STK33: variants seen among roughly 807,000 people sequenced by gnomAD.
STK33 encodes the protein serine/threonine-protein kinase 33.
STK33 carries 52 observed loss-of-function variants against 58.0 expected under a neutral mutation model. The observed-to-expected ratio is 0.90, with a 90% CI of 0.72 to 1.13. The LOEUF is 1.13. Ranked by LOEUF, STK33 falls within the 50% of genes most tolerant of loss-of-function variation. STK33 has a pLI of 0.00. For missense variants in STK33, 630 were observed against 604.2 expected (o/e 1.04, Z -0.45); for synonymous variants, 215 against 200.1 (o/e 1.07, Z -0.63).
intron 1 of STK33, among the ~76,000 whole-genome samples, chr11:8,536,183 T>C (rs1489101162): frequency 6.6e-6 from 1 of 152,112 alleles, no homozygotes; most frequent in African/African-American, 2.4e-5. Flanking sequence ...AATTCAATGT[T>C]TGATAGCAGA....
chr11:8,396,378 A>G (rs1418430459), intron 15 of STK33, among the ~76,000 whole-genome samples: 2 of 152,188 alleles, frequency 1.3e-5, no homozygotes, highest in Non-Finnish European at 2.9e-5. Context: ...AAAATACTGT[A>G]TGTGTATGGG....
chr11:8,553,176 A>ATATATATATATATATATATATGGTG (rs1377163192), intron 1 of STK33, among the ~76,000 whole-genome samples: 6 of 74,654 alleles, frequency 8.0e-5, no homozygotes, highest in South Asian at 4.4e-4. Context: ...AAATATATAT[A>ATATATATATATATATATATATGGTG]TATATATATA....
the STK33 span, among the ~76,000 whole-genome samples, chr11:8,350,411 C>T: frequency 5.3e-5 from 8 of 152,226 alleles, no homozygotes; most frequent in African/African-American, 1.9e-4. Flanking sequence ...AGGCTAGGAA[C>T]AGGCTGAGCT....
chr11:8,340,041 T>C, the STK33 span, among the ~76,000 whole-genome samples: 1 of 152,262 alleles, frequency 6.6e-6, no homozygotes, highest in African/African-American at 2.4e-5. Context: ...GCTGAGGGCC[T>C]TGGGGAACCT....
At chr11:8,446,038 T>C (rs769448150) in intron 11 of STK33, among the ~76,000 whole-genome samples, 6 of 152,176 alleles carry the variant, frequency 3.9e-5, no homozygotes, top group Non-Finnish European at 5.9e-5. Context: ...GGATATTAAT[T>C]ACTGCCTCAA....
the STK33 span, among the ~76,000 whole-genome samples, chr11:8,377,719 G>C: frequency 6.6e-6 from 1 of 152,072 alleles, no homozygotes; most frequent in Non-Finnish European, 1.5e-5. Context: ...AAACCCTGAA[G>C]ACTCCTCCAA....
chr11:8,506,074 G>A (rs747334576), intron 1 of STK33, among the ~76,000 whole-genome samples: 1 of 152,150 alleles, frequency 6.6e-6, no homozygotes. Context: ...TCCAGAGAAG[G>A]GGAGCTTACA....
intron 7 of STK33, among the ~76,000 whole-genome samples, chr11:8,462,442 T>TAC (rs10635095): frequency 0.31 from 39,253 of 127,984 alleles, 6,050 homozygotes; most frequent in Non-Finnish European, 0.37. Flanking sequence ...TATACATATA[T>TAC]ACACACACAC....
chr11:8,395,127 T>C (rs570583546), intron 15 of STK33, among the ~76,000 whole-genome samples: 2 of 152,314 alleles, frequency 1.3e-5, no homozygotes, highest in African/African-American at 4.8e-5. Context: ...ATAATGGCAA[T>C]TTCCTATGGT....
Position 8,392,558 on chromosome 11 carries a change from C to G in STK33, c.1497G>C (p.Lys499Asn). The change falls in exon 16 of 16, where the codon AAG (lysine) becomes AAC (asparagine). Residue 499 changes from lysine to asparagine, a missense_variant. Physicochemically the swap from Lys to Asn is moderately conservative, Grantham distance 94 (BLOSUM62 0). Transcript: ENST00000687296. Reference protein sequence around the residue: ...PVTPSQGTATKYPAKSGALSR... With the variant: ...PVTPSQGTATNYPAKSGALSR... The stretch of plus-strand genomic sequence containing the variant: ...ACAGGGCGCCGGATTTAGCAGGGTA[C>G]TTGGTTGCTGTTCCTTGGCTTGGAG... 1 of 1,614,130 alleles carries G rather than the reference C, an allele frequency of 6.2e-7. No homozygotes were observed. Among genetic ancestry groups the G allele is most frequent in the East Asian group, 2.2e-5 (1 of 44,888 alleles).
At chr11:8,501,121 C>T (rs192632571) in intron 1 of STK33, among the ~76,000 whole-genome samples, 1 of 152,092 alleles carries the variant, frequency 6.6e-6, no homozygotes, top group East Asian at 1.9e-4. Flanking sequence ...TAAATCTTTG[C>T]GATGTTAGAT....
the STK33 span, among the ~76,000 whole-genome samples, chr11:8,384,344 G>A: frequency 1.3e-5 from 2 of 152,192 alleles, no homozygotes; most frequent in African/African-American, 2.4e-5. Flanking sequence ...ATGGTCTTGC[G>A]GTAATGCCAG....
At chr11:8,445,046 C>A (rs1007113978) in intron 11 of STK33, among the ~76,000 whole-genome samples, 1 of 152,026 alleles carries the variant, frequency 6.6e-6, no homozygotes, top group African/African-American at 2.4e-5. Context: ...CCATTTGTGT[C>A]CTCTCTTATT....
At chr11:8,368,353 C>T in the STK33 span, among the ~76,000 whole-genome samples, 7 of 152,288 alleles carry the variant, frequency 4.6e-5, no homozygotes, top group Admixed American at 2.0e-4. Context: ...GTCCCATGCA[C>T]GATGTTGCCT....
chr11:8,344,037 C>T, the STK33 span, among the ~76,000 whole-genome samples: 11 of 152,234 alleles, frequency 7.2e-5, no homozygotes, highest in South Asian at 8.3e-4. Flanking sequence ...CTTGCTCTGT[C>T]GAGCTCCCAG....
At chr11:8,411,650 G>C (rs904973146) in intron 15 of STK33, among the ~76,000 whole-genome samples, 7 of 152,112 alleles carry the variant, frequency 4.6e-5, no homozygotes, top group African/African-American at 1.4e-4. Flanking sequence ...TACTGTTATG[G>C]CATTTATAAC....
At chr11:8,467,909 C>A (rs1463225957) in intron 6 of STK33, among the ~76,000 whole-genome samples, 1 of 151,890 alleles carries the variant, frequency 6.6e-6, no homozygotes, top group African/African-American at 2.4e-5. Context: ...CGCACCACTG[C>A]ACTCTAGCCT....
chr11:8,550,398 G>GCA (rs1956226432), intron 1 of STK33, among the ~76,000 whole-genome samples: 1 of 152,052 alleles, frequency 6.6e-6, no homozygotes, highest in Admixed American at 6.6e-5. Context: ...ACCCGCCTCA[G>GCA]CCTCCCAAAG....
chr11:8,551,428 C>A (rs1364914891), intron 1 of STK33, among the ~76,000 whole-genome samples: 1 of 152,142 alleles, frequency 6.6e-6, no homozygotes, highest in Non-Finnish European at 1.5e-5. Context: ...CCATGCCTGG[C>A]CTTATTCTGA....
Sources: allele counts gnomAD v4.1 joint callset (sites outside exome capture counted in the v4.1 genomes callset), GRCh38; gene constraint gnomAD v4.1.1; transcripts MANE v1.5; gene names NCBI Gene and HGNC (gene_info 2026-07-23, HGNC 2026-07-21).